Variants in WWOX observed in about 807,000 individuals in gnomAD.
WWOX encodes WW domain containing oxidoreductase.
A neutral mutation model predicts 46.2 loss-of-function variants in WWOX; 69 were observed. That is an observed-to-expected ratio of 1.49 (90% CI 1.23 to 1.82). The LOEUF is 1.82. Ranked by LOEUF, WWOX falls within the 40% of genes most tolerant of loss-of-function variation. The pLI is 0.00. For synonymous variants in WWOX, 359 were observed against 202.6 expected (o/e 1.77, Z -6.56); for missense variants, 919 against 542.6 (o/e 1.69, Z -6.89).
intron 8 of WWOX, chr16:78,890,858 T>C (rs1447543738): frequency 6.6e-6 from 1 of 152,208 alleles, no homozygotes; most frequent in African/African-American, 2.4e-5. Flanking sequence ...TTCATAGCTA[T>C]TATTATAAAG....
At chr16:78,952,897 G>T (rs1285676150) in intron 8 of WWOX, among the ~76,000 whole-genome samples, 1 of 152,172 alleles carries the variant, frequency 6.6e-6, no homozygotes, top group Non-Finnish European at 1.5e-5. Context: ...TCTACAGAGA[G>T]AAACAGGAAT....
At chr16:78,528,810 T>C (rs150389317) in intron 8 of WWOX, among the ~76,000 whole-genome samples, 1 of 152,282 alleles carries the variant, frequency 6.6e-6, no homozygotes, top group African/African-American at 2.4e-5. Flanking sequence ...GTGTTCAGCA[T>C]TAAGGATTGG....
chr16:78,996,383 C>G lies in WWOX; in HGVS notation c.1057-215225C>G, dbSNP rs114455278. The G allele has an allele frequency of 1.4e-4, 100 of 735,704 alleles. 1 individual carries two copies. The highest frequency in any genetic ancestry group is 1.5e-4 in the African/African-American group (6 of 40,804). 45.6% of individuals were successfully genotyped at this position (735,704 alleles called of 1,614,324 possible). Reference sequence around the variant, plus strand: ...TGAGTGAATTCTGCACCCACCCCCGCCCCCCAGCTTCCCCACCTGTAAAAT... The same window carrying G: ...TGAGTGAATTCTGCACCCACCCCCGGCCCCCAGCTTCCCCACCTGTAAAAT... On this transcript the variant is annotated intron_variant, in intron 8 of 8. Coordinates refer to ENST00000566780, the MANE Select transcript of WWOX (RefSeq NM_016373.4).
chr16:79,047,761 C>T (rs1008710998), intron 8 of WWOX, among the ~76,000 whole-genome samples: 3 of 131,332 alleles, frequency 2.3e-5, no homozygotes, highest in Non-Finnish European at 4.6e-5. Flanking sequence ...CAGCTGTATT[C>T]CAGGTACTTG....
intron 8 of WWOX, among the ~76,000 whole-genome samples, chr16:78,854,741 C>T (rs538946189): frequency 2.0e-5 from 3 of 151,798 alleles, no homozygotes; most frequent in Non-Finnish European, 2.9e-5. Flanking sequence ...CCACCACTCC[C>T]AGCTACTTTT....
At chr16:78,482,274 T>C (rs998875808) in intron 8 of WWOX, among the ~76,000 whole-genome samples, 3 of 152,170 alleles carry the variant, frequency 2.0e-5, no homozygotes, top group African/African-American at 7.2e-5. Flanking sequence ...CTTGCTCTTT[T>C]GGCCAGGCTA....
At chr16:78,824,344 G>T (rs2051588902) in intron 8 of WWOX, among the ~76,000 whole-genome samples, 1 of 152,112 alleles carries the variant, frequency 6.6e-6, no homozygotes, top group Non-Finnish European at 1.5e-5. Context: ...ACTGTATTCA[G>T]TCCAAGCTCC....
At chr16:78,732,609 T>C (rs1024793795) in intron 8 of WWOX, among the ~76,000 whole-genome samples, 2 of 152,212 alleles carry the variant, frequency 1.3e-5, no homozygotes, top group Non-Finnish European at 2.9e-5. Context: ...GGCTATGCTC[T>C]AATCAATAAT....
intron 8 of WWOX, among the ~76,000 whole-genome samples, chr16:79,013,303 G>C (rs1254446690): frequency 1.3e-5 from 2 of 152,150 alleles, no homozygotes; most frequent in African/African-American, 4.8e-5. Context: ...CATGCGCTCT[G>C]ATCTGCCAGC....
intron 5 of WWOX, among the ~76,000 whole-genome samples, chr16:78,361,820 C>T (rs1288173400): frequency 1.3e-5 from 2 of 152,080 alleles, no homozygotes; most frequent in African/African-American, 2.4e-5. Context: ...CCACTTTGAC[C>T]AGGCTGGTCT....
chr16:78,225,715 G>T (rs2037031815), intron 5 of WWOX, among the ~76,000 whole-genome samples: 1 of 152,104 alleles, frequency 6.6e-6, no homozygotes, highest in Non-Finnish European at 1.5e-5. Context: ...CCTTCCCCAG[G>T]AAATATACCT....
intron 5 of WWOX, among the ~76,000 whole-genome samples, chr16:78,381,662 A>G (rs2081959239): frequency 6.6e-6 from 1 of 152,212 alleles, no homozygotes; most frequent in South Asian, 2.1e-4. Flanking sequence ...GATTTGGGGA[A>G]GGAAAATTTT....
chr16:79,118,944 T>TA (rs1567562121), intron 8 of WWOX, among the ~76,000 whole-genome samples: 1 of 152,262 alleles, frequency 6.6e-6, no homozygotes, highest in African/African-American at 2.4e-5. Context: ...TATATGGTTT[T>TA]AAATACTTTT....
intron 8 of WWOX, among the ~76,000 whole-genome samples, chr16:78,703,054 G>T (rs751929358): frequency 7.2e-5 from 11 of 152,142 alleles, no homozygotes; most frequent in Non-Finnish European, 1.6e-4. Context: ...TGCTTGTTGG[G>T]ATCAGAGAAG....
intron 8 of WWOX, among the ~76,000 whole-genome samples, chr16:78,719,290 G>A (rs1045719471): frequency 2.0e-5 from 3 of 152,166 alleles, no homozygotes; most frequent in South Asian, 2.1e-4. Flanking sequence ...GGGTTATTCT[G>A]GGGAGCCTTC....
chr16:78,986,968 C>G (rs1032110387), intron 8 of WWOX, among the ~76,000 whole-genome samples: 1 of 151,964 alleles, frequency 6.6e-6, no homozygotes, highest in African/African-American at 2.4e-5. Flanking sequence ...AGAGCATGGT[C>G]AGGAGGTACA....
chr16:78,489,386 G>A (rs1316098106), intron 8 of WWOX, among the ~76,000 whole-genome samples: 2 of 152,104 alleles, frequency 1.3e-5, no homozygotes, highest in Admixed American at 1.3e-4. Context: ...ATATCCGAGT[G>A]TGGAAGCTCT....
chr16:78,793,760 A>G (rs1163904820), intron 8 of WWOX, among the ~76,000 whole-genome samples: 2 of 152,142 alleles, frequency 1.3e-5, no homozygotes, highest in South Asian at 2.1e-4. Flanking sequence ...AAGGGTTTGA[A>G]GAGGAATCCA....
chr16:79,134,911 G>A (rs1478450260), intron 8 of WWOX, among the ~76,000 whole-genome samples: 2 of 152,206 alleles, frequency 1.3e-5, no homozygotes, highest in Non-Finnish European at 2.9e-5. Flanking sequence ...GCAAAGTGGA[G>A]TGAATGCCAC....
Sources: gnomAD v4.1 joint callset for allele counts (sites outside exome capture counted in the v4.1 genomes callset) on GRCh38, gnomAD v4.1.1 for gene constraint, MANE v1.5 for transcripts, NCBI Gene and HGNC (gene_info 2026-07-23, HGNC 2026-07-21) for gene names.